CCDC3: variants seen among roughly 807,000 people sequenced by gnomAD.
The protein encoded by CCDC3 is coiled-coil domain-containing protein 3.
A neutral mutation model predicts 21.4 loss-of-function variants in CCDC3; 24 were observed. The observed-to-expected ratio is 1.12, with a 90% CI of 0.81 to 1.58. The LOEUF is 1.58. CCDC3 is among the 40% of genes most tolerant of loss of function. The pLI, the probability that CCDC3 is intolerant of heterozygous loss-of-function variation, is 0.00. For missense variants in CCDC3, 425 were observed against 360.9 expected, an observed-to-expected ratio of 1.18 and a Z score of -1.44; for synonymous variants, 186 against 166.0, an observed-to-expected ratio of 1.12 and a Z score of -0.93.
At chr10:12,915,924 G>C (rs1212081795) in intron 2 of CCDC3, among the ~76,000 whole-genome samples, 3 of 152,110 alleles carry the variant, frequency 2.0e-5, no homozygotes, top group Non-Finnish European at 4.4e-5. Context: ...ACCAGGGTCT[G>C]CAGGGTGGAC....
At chr10:12,941,439 A>G (rs1429391838) in intron 2 of CCDC3, among the ~76,000 whole-genome samples, 1 of 152,218 alleles carries the variant, frequency 6.6e-6, no homozygotes, top group Non-Finnish European at 1.5e-5. Context: ...TCTTTCTTGC[A>G]GAAGATCCAA....
At chr10:12,916,514 C>G (rs979650583) in intron 2 of CCDC3, among the ~76,000 whole-genome samples, 8 of 150,076 alleles carry the variant, frequency 5.3e-5, no homozygotes, top group Admixed American at 4.7e-4. Context: ...GCTATGTGGA[C>G]CAACCTGAGG....
chr10:13,027,603 T>C (rs1379625606), intron 5 of CCDC3, among the ~76,000 whole-genome samples: 3 of 151,818 alleles, frequency 2.0e-5, no homozygotes, highest in East Asian at 1.9e-4. Context: ...CACAGCACTT[T>C]TGGAGGCTGA....
At chr10:13,094,961 T>C (rs1832613632) in intron 3 of CCDC3, among the ~76,000 whole-genome samples, 1 of 152,112 alleles carries the variant, frequency 6.6e-6, no homozygotes, top group African/African-American at 2.4e-5. Flanking sequence ...CCATGGTCCC[T>C]GGGACTCTGG....
intron 2 of CCDC3, among the ~76,000 whole-genome samples, chr10:12,973,150 G>T (rs1835367528): frequency 6.6e-6 from 1 of 152,214 alleles, no homozygotes; most frequent in Non-Finnish European, 1.5e-5. Context: ...TAAGCCCAAG[G>T]CTTATTTCAT....
At chr10:13,040,404 C>T (rs1360713044) in intron 5 of CCDC3, among the ~76,000 whole-genome samples, 5 of 152,112 alleles carry the variant, frequency 3.3e-5, no homozygotes, top group Admixed American at 6.6e-5. Context: ...GTGAGTCATC[C>T]GCAAAAGTAA....
upstream of CCDC3, among the ~76,000 whole-genome samples, chr10:13,003,656 G>C (rs765701514): frequency 6.6e-6 from 1 of 152,190 alleles, no homozygotes; most frequent in African/African-American, 2.4e-5. Flanking sequence ...AGATAAGATA[G>C]TAAGAAAGTT....
chr10:12,987,466 C>T (rs1212224735), intron 2 of CCDC3, among the ~76,000 whole-genome samples: 1 of 152,090 alleles, frequency 6.6e-6, no homozygotes, highest in African/African-American at 2.4e-5. Flanking sequence ...ATTATCATTA[C>T]AGTGATATGG....
chr10:13,065,924 A>G (rs1247773496), intron 4 of CCDC3, among the ~76,000 whole-genome samples: 1 of 152,210 alleles, frequency 6.6e-6, no homozygotes, highest in Non-Finnish European at 1.5e-5. Flanking sequence ...TGTTGAATTA[A>G]TAAGTTCAGG....
Position 13,001,425 on chromosome 10 carries a change from A to C in CCDC3, c.146T>G (p.Leu49Arg). The stretch of plus-strand genomic sequence containing the variant: ...GCCGGGCGCCTCGGGGTGCAGCGCC[A>C]GCACCCTGGCGTACACGATGGTCTC... ...LAETIVYARV[L>R]ALHPEAPGLY... Residue 49 changes from leucine to arginine, a missense_variant, in exon 1 of 3, where the codon CTG becomes CGG. Leu to Arg is a moderately radical substitution (Grantham distance 102). Coordinates refer to ENST00000378825, the MANE Select transcript of CCDC3 (RefSeq NM_031455.4). 6.5e-7 allele frequency: 1 copy of C among 1,541,354 alleles called. No individual in the cohort carries two copies. Among genetic ancestry groups the C allele is most frequent in the South Asian group, 1.2e-5 (1 of 81,478 alleles).
At chr10:13,053,479 C>T (rs1836639454) in intron 4 of CCDC3, among the ~76,000 whole-genome samples, 1 of 152,052 alleles carries the variant, frequency 6.6e-6, no homozygotes, top group African/African-American at 2.4e-5. Flanking sequence ...ATTGCTTGAG[C>T]CCAGGAGATT....
chr10:13,096,502 G>C (rs914030469), intron 3 of CCDC3, among the ~76,000 whole-genome samples: 1 of 152,122 alleles, frequency 6.6e-6, no homozygotes, highest in African/African-American at 2.4e-5. Flanking sequence ...AGTTCTGCAG[G>C]GGTGTACGGA....
chr10:12,902,239 A>G (rs1420710985), intron 2 of CCDC3, among the ~76,000 whole-genome samples: 1 of 152,200 alleles, frequency 6.6e-6, no homozygotes, highest in Non-Finnish European at 1.5e-5. Context: ...ATTTAATGAG[A>G]AACTCTGGGC....
chr10:13,009,421 C>A (rs1165492980), intron 5 of CCDC3, among the ~76,000 whole-genome samples: 1 of 152,012 alleles, frequency 6.6e-6, no homozygotes, highest in East Asian at 1.9e-4. Context: ...TAAGCATAGT[C>A]AAAATTCCAT....
chr10:12,911,604 G>T (rs1178960231), intron 2 of CCDC3, among the ~76,000 whole-genome samples: 1 of 152,174 alleles, frequency 6.6e-6, no homozygotes, highest in Non-Finnish European at 1.5e-5. Context: ...AACGTGATCT[G>T]AAATATGTGT....
At chr10:12,914,856 TTTA>T (rs1258788064) in intron 2 of CCDC3, among the ~76,000 whole-genome samples, 5 of 152,134 alleles carry the variant, frequency 3.3e-5, no homozygotes, top group Admixed American at 6.5e-5. Context: ...TACTCTCTCA[TTTA>T]TTATTATTTC....
intron 3 of CCDC3, among the ~76,000 whole-genome samples, chr10:13,076,510 A>C (rs1203629572): frequency 6.6e-6 from 1 of 152,244 alleles, no homozygotes; most frequent in Non-Finnish European, 1.5e-5. Context: ...TTAAAGAATA[A>C]ATCATAAGTG....
At chr10:13,029,642 CTAAAT>C (rs1337507473) in intron 5 of CCDC3, among the ~76,000 whole-genome samples, 2 of 152,078 alleles carry the variant, frequency 1.3e-5, no homozygotes, top group African/African-American at 4.8e-5. Context: ...AGAGAAGACC[CTAAAT>C]GACCTGACGG....
intron 5 of CCDC3, among the ~76,000 whole-genome samples, chr10:13,011,642 T>G (rs572976313): frequency 6.6e-6 from 1 of 152,296 alleles, no homozygotes; most frequent in South Asian, 2.1e-4. Flanking sequence ...AATTTATAGA[T>G]TTAGTGCTAT....
Sources: allele counts gnomAD v4.1 joint callset (sites outside exome capture counted in the v4.1 genomes callset), GRCh38; gene constraint gnomAD v4.1.1; transcripts MANE v1.5; gene names NCBI Gene and HGNC (gene_info 2026-07-23, HGNC 2026-07-21).